Variants in PIK3R2 observed in about 807,000 individuals in gnomAD.
PIK3R2 encodes phosphatidylinositol 3-kinase regulatory subunit beta.
Under a neutral mutation model 78.5 loss-of-function variants are expected in PIK3R2, and 40 were observed. That is an observed-to-expected ratio of 0.51 (90% CI 0.40 to 0.66). PIK3R2 has a LOEUF of 0.66. PIK3R2 is among the 30% of genes least tolerant of loss of function. The pLI is 0.00. For synonymous variants in PIK3R2, 473 were observed against 457.7 expected (o/e 1.03, Z -0.43); for missense variants, 880 against 1,026.6 (o/e 0.86, Z 1.95).
At position 18,167,081 on chromosome 19, in the gene PIK3R2, A is replaced by G; in HGVS notation, c.1560-49A>G. On this transcript the variant is annotated intron_variant, in intron 12 of 15. Coordinates refer to ENST00000222254, the MANE Select transcript of PIK3R2 (RefSeq NM_005027.4). This position sits in a 1 kb window ranked among gnomAD's most constrained non-coding sequence, Gnocchi z 4.5. Reference sequence around the variant, plus strand: ...AGCCCAGGAGTTTGAGGGTGCAGTGAGCCGAGATAAAACCCTGAGGTCTCT... The same window carrying G: ...AGCCCAGGAGTTTGAGGGTGCAGTGGGCCGAGATAAAACCCTGAGGTCTCT... The G allele has an allele frequency of 2.1e-6, 3 of 1,462,196 alleles. No individual in the cohort carries two copies. The South Asian group carries it at 4.3e-5, about 21-fold the overall frequency. 90.6% of individuals were successfully genotyped at this position (1,462,196 alleles called of 1,614,324 possible).
At chr19:18,163,215 G>C (rs1330184542) in intron 10 of PIK3R2, 48 bp from the exon 11 acceptor site, 1 of 1,613,880 alleles carries the variant, frequency 6.2e-7, no homozygotes, top group Non-Finnish European at 8.5e-7. Context: ...TTCCTAGGTA[G>C]ACCCGACCAG....
At position 18,164,949 on chromosome 19, in the gene PIK3R2, C is replaced by T. The variant is rs1199422765; in HGVS notation, c.1417-1211C>T. The stretch of plus-strand genomic sequence containing the variant: ...AATTTAATAAAATTAAAAGGTAGGC[C>T]GGGCACAGTGACTCATGCCAGTAAT... On this transcript the variant is annotated intron_variant, in intron 11 of 15. Transcript: ENST00000222254. 2.0e-5 allele frequency among the ~76,000 whole-genome samples: 3 copies of T among 149,612 alleles called. No homozygotes were observed. The East Asian group carries it at 5.9e-4, about 29-fold the overall frequency.
At position 18,161,851 on chromosome 19, in the gene PIK3R2, C is replaced by T. The variant is rs999767990; in HGVS notation, c.816-115C>T. The T allele has an allele frequency of 4.1e-5, 34 of 825,592 alleles. No individual in the cohort carries two copies. The highest frequency in any genetic ancestry group is 6.5e-5 in the Non-Finnish European group (32 of 494,546). The allele number at this position is 825,592 out of a possible 1,614,324, so 51.1% of individuals were successfully genotyped here. On this transcript the variant is annotated intron_variant, in intron 6 of 15. Coordinates refer to ENST00000222254, the MANE Select transcript of PIK3R2 (RefSeq NM_005027.4). The surrounding 1 kb of genome is among the most constrained non-coding windows in gnomAD (Gnocchi z 5.3). ...TGCCTGTATCATCTCCTCCTCCGCCCTGCACATACTGTCTCGTATATACCC... is the reference window on the plus strand; with the variant it reads ...TGCCTGTATCATCTCCTCCTCCGCCTTGCACATACTGTCTCGTATATACCC...
At chr19:18,160,411 A>G in intron 2 of PIK3R2, 60 bp from the exon 3 acceptor site, 1 of 1,025,006 alleles carries the variant, frequency 9.8e-7, no homozygotes, top group Non-Finnish European at 1.5e-6. Flanking sequence ...CAGCAAAGAG[A>G]GGGGCTGGGC....
chr19:18,161,429 T>G lies in PIK3R2; in HGVS notation c.749T>G (p.Phe250Cys). 8.3e-7 allele frequency: 1 copy of G among 1,211,096 alleles called. No homozygotes were observed. The highest frequency in any genetic ancestry group is 3.5e-5 in the East Asian group (1 of 28,344). 75.0% of individuals were successfully genotyped at this position (1,211,096 alleles called of 1,614,324 possible). A position where few individuals can be genotyped will look rare whatever the true frequency, so the allele number is the denominator to read the frequency against. ...GPAVRALGATFGPLLLRAPPP... is the reference protein window; with the variant it reads ...GPAVRALGATCGPLLLRAPPP... ...GCGGTCCGGGCCCTGGGCGCCACCT[T>G]TGGGCCGCTGCTGCTGCGCGCGCCG... is the stretch of plus-strand genomic sequence containing the variant. The change falls in exon 6 of 16, where the codon TTT becomes TGT. Residue 250 changes from phenylalanine (F) to cysteine (C), a missense_variant. By Grantham distance (205) the Phe-to-Cys change is radical. Transcript: ENST00000222254. This position sits in a 1 kb window ranked among gnomAD's most constrained non-coding sequence, Gnocchi z 5.3.
Position 18,168,557 on chromosome 19 carries a change from G to C in PIK3R2, c.1808+11G>C. The stretch of plus-strand genomic sequence containing the variant: ...AAATGAGACTGAGGAGTGAGTGACC[G>C]TCTGGAGGGAGGCAGGGAGGGCTTC... On this transcript the variant is annotated intron_variant, in intron 14 of 15. Transcript: ENST00000222254. The surrounding 1 kb of genome is among the most constrained non-coding windows in gnomAD (Gnocchi z 4.1). The C allele has an allele frequency of 5.1e-6, 4 of 781,814 alleles. No homozygotes were observed. The highest frequency in any genetic ancestry group is 9.5e-6 in the Non-Finnish European group (4 of 419,600). 48.4% of individuals were successfully genotyped at this position (781,814 alleles called of 1,614,324 possible). A position where few individuals can be genotyped will look rare whatever the true frequency, so the allele number is the denominator to read the frequency against.
intron 11 of PIK3R2, among the ~76,000 whole-genome samples, chr19:18,164,641 T>TTG (rs869244959): frequency 4.7e-5 from 3 of 64,336 alleles, no homozygotes; most frequent in Non-Finnish European, 9.0e-5. Flanking sequence ...TTTTGTTTTG[T>TTG]TTTTTTTTTT....
At position 18,160,837 on chromosome 19, in the gene PIK3R2, AG is replaced by A. The variant is rs1003352981; in HGVS notation, c.416-76del. The stretch of plus-strand genomic sequence containing the variant: ...TCTCTGGGCAGCAAAGGGAGACTGC[AG>A]GGGGGTTGAGCGGCCAGTCCAGGCC... On this transcript the variant is annotated intron_variant, in intron 3 of 15. Transcript: ENST00000222254. 8 of 1,479,456 alleles carry A rather than the reference AG, an allele frequency of 5.4e-6. No individual in the cohort carries two copies. The East Asian group carries it at 1.2e-4, about 23-fold the overall frequency. The allele number at this position is 1,479,456 out of a possible 1,614,324, so 91.6% of individuals were successfully genotyped here.
intron 11 of PIK3R2, 149 bp from the exon 12 acceptor site, chr19:18,166,011 C>T: frequency 3.1e-6 from 3 of 978,328 alleles, no homozygotes; most frequent in Non-Finnish European, 4.9e-6. Flanking sequence ...AATAGGAGTT[C>T]ATTTGGTGCA....
chr19:18,162,220 C>G lies in PIK3R2; in HGVS notation c.920C>G (p.Pro307Arg), dbSNP rs776032664. Residue 307 changes from proline to arginine, a missense_variant, in exon 8 of 16, where the codon CCC becomes CGC. Coordinates refer to ENST00000222254, the MANE Select transcript of PIK3R2 (RefSeq NM_005027.4). ...VAPPALPPKP[P>R]KAKPASTVLA... is the part of the protein sequence containing the mutation. ...CCCCCAGCGCTGCCGCCTAAACCCC[C>G]CAAGGCAAAGCCGGCCTCCACAGTC... is the stretch of plus-strand genomic sequence containing the variant. 1.3e-6 allele frequency: 2 copies of G among 1,591,436 alleles called. No homozygotes were observed. Among genetic ancestry groups the G allele is most frequent in the East Asian group, 2.2e-5 (1 of 44,738 alleles).
chr19:18,164,762 A>G (rs1481413563), intron 11 of PIK3R2, among the ~76,000 whole-genome samples: 3 of 150,630 alleles, frequency 2.0e-5, no homozygotes, highest in Non-Finnish European at 4.4e-5. Context: ...CAGCCTCCCA[A>G]GTAACTGGGA....
intron 1 of PIK3R2, among the ~76,000 whole-genome samples, chr19:18,154,607 A>G (rs534972764): frequency 2.1e-4 from 32 of 152,136 alleles, no homozygotes; most frequent in Admixed American, 3.9e-4. Context: ...AGTGGCCTCC[A>G]TTGCGTCCTC....
intron 4 of PIK3R2, 23 bp downstream of exon 4, chr19:18,160,992 T>C: frequency 6.2e-7 from 1 of 1,612,422 alleles, no homozygotes; most frequent in Non-Finnish European, 8.5e-7. Context: ...CTCAATGGGG[T>C]TGGGAGGAGG....
chr19:18,160,509 C>G lies in PIK3R2; in HGVS notation c.361C>G (p.Pro121Ala). The change falls in exon 3 of 16, where the codon CCT (proline) becomes GCT (alanine). Residue 121 changes from proline (P) to alanine (A), a missense_variant. This residue lies in a region of PIK3R2 where 456 missense variants were observed against 486.6 expected (regional missense o/e 0.94). Transcript: ENST00000222254. ...LPDLPEQFSP[P>A]DVAPPLLVKL... ...CGACTTGCCCGAGCAGTTCTCCCCA[C>G]CTGATGTGGCTCCCCCTCTTCTGGT... The G allele has an allele frequency of 1.9e-6, 3 of 1,614,034 alleles. No individual in the cohort carries two copies. The highest frequency in any genetic ancestry group is 2.5e-6 in the Non-Finnish European group (3 of 1,179,906).
chr19:18,161,577 C>G lies in PIK3R2; in HGVS notation c.815+82C>G, dbSNP rs1176286748. 9.8e-6 allele frequency: 5 copies of G among 512,710 alleles called. No individual in the cohort carries two copies. The East Asian group carries it at 2.0e-4, about 20-fold the overall frequency. 31.8% of individuals were successfully genotyped at this position (512,710 alleles called of 1,614,324 possible). ...GGGGCATGGCCAGAGTGAGCGGCGT[C>G]TAGACCCTAAGAAGGGAGGGGATGG... is the stretch of plus-strand genomic sequence containing the variant. On this transcript the variant is annotated intron_variant, in intron 6 of 15. Coordinates refer to ENST00000222254, the MANE Select transcript of PIK3R2 (RefSeq NM_005027.4). This position sits in a 1 kb window ranked among gnomAD's most constrained non-coding sequence, Gnocchi z 5.3.
chr19:18,159,867 G>A (rs558698722), intron 2 of PIK3R2, among the ~76,000 whole-genome samples: 56 of 152,082 alleles, frequency 3.7e-4, no homozygotes, highest in Non-Finnish European at 6.5e-4. Context: ...TCAACCTCCC[G>A]AGTAGCTGGG....
Position 18,169,376 on chromosome 19 carries a change from C to G in PIK3R2, c.*82C>G. 1 of 672,796 alleles carries G rather than the reference C, an allele frequency of 1.5e-6. No individual in the cohort carries two copies. Among genetic ancestry groups the G allele is most frequent in the Non-Finnish European group, 2.1e-6 (1 of 477,752 alleles). The allele number at this position is 672,796 out of a possible 1,614,324, so 41.7% of individuals were successfully genotyped here. On this transcript the variant is annotated 3_prime_UTR_variant, in exon 16 of 16. Transcript: ENST00000222254. ...GCGGCGGCGGGAGCCACGGACCAGACCAGCCACATCCAGGGGTCCTCATTT... is the reference window on the plus strand; with the variant it reads ...GCGGCGGCGGGAGCCACGGACCAGAGCAGCCACATCCAGGGGTCCTCATTT...
rs2147952939 is a variant in PIK3R2, at chr19:18,163,012, G to A, written c.1155G>A (p.Gly385=). 6.2e-7 allele frequency: 1 copy of A among 1,613,688 alleles called. No individual in the cohort carries two copies. The highest frequency in any genetic ancestry group is 1.3e-5 in the African/African-American group (1 of 74,768). The change falls in exon 10 of 16, where the codon GGG becomes GGA. Residue 385 remains glycine, a synonymous_variant. Coordinates refer to ENST00000222254, the MANE Select transcript of PIK3R2 (RefSeq NM_005027.4). ...NKLIKVFHRD[G]HYGFSEPLTF... The stretch of plus-strand genomic sequence containing the variant: ...TGATCAAGGTCTTCCACCGAGATGG[G>A]CACTATGGCTTCTCAGAGCCACTCA...
chr19:18,167,738 G>T lies in PIK3R2; in HGVS notation c.1736+432G>T, dbSNP rs561533960. On this transcript the variant is annotated intron_variant, in intron 13 of 15. Coordinates refer to ENST00000222254, the MANE Select transcript of PIK3R2 (RefSeq NM_005027.4). The surrounding 1 kb of genome is among the most constrained non-coding windows in gnomAD (Gnocchi z 4.5). ...AACCCGGCCAGGCATGGTGGTGGGC[G>T]CCTGTAATCCCAGTTACTCAAGAGG... Among the ~76,000 whole-genome samples the T allele has an allele frequency of 3.5e-4, 54 of 152,164 alleles. No homozygotes were observed. The highest frequency in any genetic ancestry group is 1.2e-3 in the African/African-American group (50 of 41,514).
Sources: gnomAD v4.1 joint callset for allele counts (sites outside exome capture counted in the v4.1 genomes callset) on GRCh38, gnomAD v4.1.1 for gene constraint, gnomAD v4.1.1 regional missense constraint, Gnocchi (gnomAD v3.1) non-coding constraint, MANE v1.5 for transcripts, NCBI Gene and HGNC (gene_info 2026-07-23, HGNC 2026-07-21) for gene names.